MCPH1: variants seen among roughly 807,000 people sequenced by gnomAD.
MCPH1 encodes microcephalin.
Under a neutral mutation model 84.5 loss-of-function variants are expected in MCPH1, and 104 were observed. That is an observed-to-expected ratio of 1.23 (90% CI 1.05 to 1.45). MCPH1 has a LOEUF of 1.45. Ranked by LOEUF, MCPH1 falls within the 40% of genes most tolerant of loss-of-function variation. The pLI is 0.00. For missense variants in MCPH1, 1,498 were observed against 1,005.7 expected, an observed-to-expected ratio of 1.49 and a Z score of -6.62; for synonymous variants, 514 against 366.8, an observed-to-expected ratio of 1.40 and a Z score of -4.58.
At chr8:6,544,845 T>C (rs4478599) in intron 12 of MCPH1, among the ~76,000 whole-genome samples, 67,355 of 152,034 alleles carry the variant, frequency 0.44, 15,158 homozygotes, top group African/African-American at 0.49. Context: ...ACTCGAAATA[T>C]GTTTTGAGGC....
chr8:6,529,623 A>ATTT (rs35322987), intron 12 of MCPH1, among the ~76,000 whole-genome samples: 5 of 120,956 alleles, frequency 4.1e-5, no homozygotes, highest in Admixed American at 8.8e-5. Context: ...CGCCTGGCTA[A>ATTT]TTTTTTTTTT....
At chr8:6,636,642 A>T (rs534648945) in intron 13 of MCPH1, among the ~76,000 whole-genome samples, 1 of 152,318 alleles carries the variant, frequency 6.6e-6, no homozygotes, top group African/African-American at 2.4e-5. Context: ...CGCACCTGGC[A>T]ATCACACCAG....
chr8:6,627,382 C>A (rs556158582), intron 13 of MCPH1: 3 of 793,274 alleles, frequency 3.8e-6, no homozygotes, highest in Non-Finnish European at 4.6e-6. Context: ...CCAAGGACGG[C>A]CTCATTTTAT....
At chr8:6,522,778 A>AAC (rs1817615410) in intron 12 of MCPH1, among the ~76,000 whole-genome samples, 1 of 151,932 alleles carries the variant, frequency 6.6e-6, no homozygotes, top group African/African-American at 2.4e-5. Flanking sequence ...CGTCTCAAAA[A>AAC]AAAAAAAGAA....
chr8:6,523,004 T>G (rs1302227402), intron 12 of MCPH1, among the ~76,000 whole-genome samples: 2 of 152,080 alleles, frequency 1.3e-5, no homozygotes, highest in Non-Finnish European at 2.9e-5. Context: ...AAGTTTTTTT[T>G]TTTCTTTTTT....
intron 9 of MCPH1, among the ~76,000 whole-genome samples, chr8:6,469,132 A>ATTG (rs1807384998): frequency 6.6e-6 from 1 of 152,104 alleles, no homozygotes; most frequent in Non-Finnish European, 1.5e-5. Context: ...CTGAGCCGTG[A>ATTG]TTGTACCACT....
chr8:6,508,733 C>G (rs972088375), intron 12 of MCPH1: 3 of 730,602 alleles, frequency 4.1e-6, no homozygotes, highest in Non-Finnish European at 6.7e-6. Flanking sequence ...GCTGACAAGT[C>G]TAGCTCCATA....
chr8:6,443,690 C>T (rs1221168179), intron 7 of MCPH1, among the ~76,000 whole-genome samples: 1 of 152,258 alleles, frequency 6.6e-6, no homozygotes, highest in Non-Finnish European at 1.5e-5. Context: ...GGGGGCAAGG[C>T]CAGGGAGAGC....
In MCPH1 at chr8:6,414,751, C is replaced by T. The variant is rs200346652; in HGVS notation, c.115-14C>T. 3.0e-4 allele frequency: 489 copies of T among 1,612,602 alleles called. 3 individuals carry two copies. Among genetic ancestry groups the T allele is most frequent in the Middle Eastern group, 2.0e-3 (12 of 6,048 alleles). ...ACAGTAATGTACATTTTGTTTTCTGCATTTTGTCTACAGGTTTCAAAAACT... is the reference window on the plus strand; with the variant it reads ...ACAGTAATGTACATTTTGTTTTCTGTATTTTGTCTACAGGTTTCAAAAACT... On this transcript the variant is annotated splice_polypyrimidine_tract_variant and intron_variant, in intron 2 of 13. Transcript: ENST00000344683.
intron 12 of MCPH1, among the ~76,000 whole-genome samples, chr8:6,604,449 T>C (rs1250148651): frequency 2.0e-5 from 3 of 152,240 alleles, no homozygotes; most frequent in East Asian, 1.9e-4. Context: ...TTTGCTTGGG[T>C]CGGTCAAAAT....
At chr8:6,562,993 G>T (rs1057169431) in intron 12 of MCPH1, 2 of 1,517,108 alleles carry the variant, frequency 1.3e-6, no homozygotes, top group Non-Finnish European at 1.8e-6. Flanking sequence ...CACGTCCAGA[G>T]TCCCGAGCTG....
intron 12 of MCPH1, among the ~76,000 whole-genome samples, chr8:6,573,588 A>G (rs1268393460): frequency 6.6e-6 from 1 of 152,252 alleles, no homozygotes; most frequent in African/African-American, 2.4e-5. Flanking sequence ...GAGCTTTGCC[A>G]TCAAGTCATT....
chr8:6,439,087 TC>T lies in MCPH1; in HGVS notation c.576del (p.Thr193ProfsTer5). 1 of 1,613,130 alleles carries T rather than the reference TC, an allele frequency of 6.2e-7. No homozygotes were observed. Among genetic ancestry groups the T allele is most frequent in the Non-Finnish European group, 8.5e-7 (1 of 1,179,730 alleles). On this transcript the variant is annotated frameshift_variant, in exon 6 of 14. Coordinates refer to ENST00000344683, the MANE Select transcript of MCPH1 (RefSeq NM_024596.5). LOFTEE classifies it high-confidence loss of function. ...GATGAAGGAGAAAAGGGAAAATCTT[TC>T]CCCCACCTGTAAGTAATTAGTTTGT... The part of the protein sequence containing the change: ...QEMKEKRENL[S>X]PTSSQMIQQS...
intron 9 of MCPH1, among the ~76,000 whole-genome samples, chr8:6,467,062 A>G (rs1807070907): frequency 6.6e-6 from 1 of 152,258 alleles, no homozygotes; most frequent in African/African-American, 2.4e-5. Flanking sequence ...ATACAATGAC[A>G]AAAACTGCAA....
Position 6,562,530 on chromosome 8 carries a change from T to C in MCPH1, c.2215-58924T>C, listed in dbSNP as rs565598492. 1.1e-4 allele frequency: 92 copies of C among 864,106 alleles called. No homozygotes were observed. In the South Asian group the frequency reaches 1.5e-3, roughly 14 times the overall value. The allele number at this position is 864,106 out of a possible 1,614,324, so 53.5% of individuals were successfully genotyped here. The stretch of plus-strand genomic sequence containing the variant: ...GGGTACCAGCAACCCGCTCTCCAGC[T>C]CTAATCCTCTTCATCCTCCTTCTTT... On this transcript the variant is annotated intron_variant, in intron 12 of 13. Transcript: ENST00000344683.
intron 12 of MCPH1, among the ~76,000 whole-genome samples, chr8:6,539,926 G>A (rs1192715466): frequency 6.6e-6 from 1 of 152,172 alleles, no homozygotes; most frequent in Non-Finnish European, 1.5e-5. Context: ...ACTGTATCTA[G>A]ATAACCAACC....
intron 12 of MCPH1, chr8:6,508,731 G>A (rs912437517): frequency 9.7e-6 from 7 of 723,090 alleles, no homozygotes; most frequent in Non-Finnish European, 1.6e-5. Flanking sequence ...TTGCTGACAA[G>A]TCTAGCTCCA....
intron 11 of MCPH1, among the ~76,000 whole-genome samples, chr8:6,489,284 G>C (rs966307684): frequency 6.6e-6 from 1 of 151,966 alleles, no homozygotes. Flanking sequence ...TTGATCTCTG[G>C]GCTGTGCCCC....
intron 9 of MCPH1, chr8:6,477,350 T>C: frequency 2.1e-6 from 1 of 472,906 alleles, no homozygotes; most frequent in South Asian, 2.9e-5. Context: ...GGGGAAATTT[T>C]TTTGTTTTGC....
Sources: allele counts gnomAD v4.1 joint callset (sites outside exome capture counted in the v4.1 genomes callset), GRCh38; gene constraint gnomAD v4.1.1; transcripts MANE v1.5; gene names NCBI Gene and HGNC (gene_info 2026-07-23, HGNC 2026-07-21).